CDK6: variants seen among roughly 807,000 people sequenced by gnomAD.
CDK6 encodes the protein cyclin dependent kinase 6, also known as cyclin-dependent kinase 6.
In CDK6, 6 loss-of-function variants were observed where a neutral mutation model predicts 37.1. That is an observed-to-expected ratio of 0.16 (90% CI 0.09 to 0.32). CDK6 has a LOEUF of 0.32. Ranked by LOEUF, CDK6 falls within the 10% of genes least tolerant of loss-of-function variation. CDK6 has a pLI of 1.00. For synonymous variants in CDK6, 160 were observed against 161.3 expected (o/e 0.99, Z 0.06); for missense variants, 224 against 418.9 (o/e 0.53, Z 4.06).
chr7:92,775,965 G>C (rs1799840793), intron 2 of CDK6, among the ~76,000 whole-genome samples: 1 of 151,988 alleles, frequency 6.6e-6, no homozygotes, highest in South Asian at 2.1e-4. Context: ...AGAATGTGCA[G>C]GTTTGTTACA....
chr7:92,779,849 A>C (rs911055904), intron 2 of CDK6, among the ~76,000 whole-genome samples: 8 of 152,252 alleles, frequency 5.3e-5, no homozygotes, highest in Admixed American at 1.3e-4. Context: ...TGTAAACATT[A>C]ATCTTAGAAA....
intron 7 of CDK6, among the ~76,000 whole-genome samples, chr7:92,616,406 T>C (rs1795678692): frequency 6.6e-6 from 1 of 152,204 alleles, no homozygotes. Flanking sequence ...TCTTGGGTCC[T>C]CTGAAATCTG....
rs1795504946 is a variant in CDK6, at chr7:92,609,135, C to A, written c.*6005G>T. 4.3e-6 allele frequency: 1 copy of A among 232,770 alleles called. No homozygotes were observed. The highest frequency in any genetic ancestry group is 8.5e-6 in the Non-Finnish European group (1 of 117,870). 14.4% of individuals were successfully genotyped at this position (232,770 alleles called of 1,614,324 possible). A position where few individuals can be genotyped will look rare whatever the true frequency, so the allele number is the denominator to read the frequency against. On this transcript the variant is annotated 3_prime_UTR_variant, in exon 8 of 8. Transcript: ENST00000424848. ...TGAATTACTGAGACTCATCTGCTTG[C>A]CACTCAGGAGGAAAGTTGGGCAGGC...
chr7:92,613,250 C>T lies in CDK6; in HGVS notation c.*1890G>A, dbSNP rs1795601037. ...TCTCTTGTTCAAGATAGTCATATAT[C>T]ACATTAAGCTGCAAAGAATTCAGTA... is the stretch of plus-strand genomic sequence containing the variant. On this transcript the variant is annotated 3_prime_UTR_variant, in exon 8 of 8. Coordinates refer to ENST00000424848, the MANE Select transcript of CDK6 (RefSeq NM_001145306.2). 4.3e-6 allele frequency: 1 copy of T among 233,108 alleles called. No homozygotes were observed. The highest frequency in any genetic ancestry group is 2.2e-5 in the African/African-American group (1 of 45,324). The allele number at this position is 233,108 out of a possible 1,614,324, so 14.4% of individuals were successfully genotyped here.
intron 2 of CDK6, among the ~76,000 whole-genome samples, chr7:92,804,984 G>C (rs1257424957): frequency 1.3e-5 from 2 of 152,120 alleles, no homozygotes; most frequent in Non-Finnish European, 2.9e-5. Flanking sequence ...ATAATTCTAG[G>C]TTCAAAGACT....
At chr7:92,768,989 T>C (rs937511275) in intron 3 of CDK6, among the ~76,000 whole-genome samples, 3 of 152,160 alleles carry the variant, frequency 2.0e-5, no homozygotes, top group African/African-American at 7.2e-5. Context: ...GTCAGTCACT[T>C]TGCATTATGT....
intron 3 of CDK6, among the ~76,000 whole-genome samples, chr7:92,767,880 A>G (rs550628192): frequency 6.6e-6 from 1 of 152,300 alleles, no homozygotes; most frequent in South Asian, 2.1e-4. Flanking sequence ...CATTCCTGGT[A>G]AAAGTTTGGA....
rs185750653 is a variant in CDK6 at position 92,790,893 on chromosome 7, G to A, written c.234-16062C>T. 1.6e-3 allele frequency among the ~76,000 whole-genome samples: 239 copies of A among 152,232 alleles called. 2 individuals carry two copies. Among genetic ancestry groups the A allele is most frequent in the African/African-American group, 5.1e-3 (213 of 41,564 alleles). On this transcript the variant is annotated intron_variant, in intron 2 of 7. Coordinates refer to ENST00000424848, the MANE Select transcript of CDK6 (RefSeq NM_001145306.2). ...CAAAGAAAGTGTGAGCAGGAGCACCGCAAGAAGCCCCATTGGAGAGAAACT... is the reference window on the plus strand; with the variant it reads ...CAAAGAAAGTGTGAGCAGGAGCACCACAAGAAGCCCCATTGGAGAGAAACT...
chr7:92,652,088 T>C (rs892901450), intron 5 of CDK6, among the ~76,000 whole-genome samples: 5 of 152,250 alleles, frequency 3.3e-5, no homozygotes, highest in Admixed American at 1.3e-4. Flanking sequence ...TTGTTATTTA[T>C]TAAGCAGTTC....
At chr7:92,658,474 C>T (rs966632524) in intron 5 of CDK6, among the ~76,000 whole-genome samples, 26 of 151,938 alleles carry the variant, frequency 1.7e-4, no homozygotes, top group African/African-American at 5.1e-4. Flanking sequence ...TAAAATAAAG[C>T]GAATAAGCAA....
chr7:92,734,003 G>T (rs1798714657), intron 3 of CDK6, among the ~76,000 whole-genome samples: 1 of 151,906 alleles, frequency 6.6e-6, no homozygotes, highest in African/African-American at 2.4e-5. Flanking sequence ...TGGCATTCTT[G>T]GATATTCTTA....
rs1795562346 is a variant in CDK6, at chr7:92,611,526, C to G, written c.*3614G>C. 1 of 227,222 alleles carries G rather than the reference C, an allele frequency of 4.4e-6. No homozygotes were observed. Among genetic ancestry groups the G allele is most frequent in the Non-Finnish European group, 8.7e-6 (1 of 114,512 alleles). The allele number at this position is 227,222 out of a possible 1,614,324, so 14.1% of individuals were successfully genotyped here. ...GGAAGCTTACATAATTTAATTTCCA[C>G]AATGGAACAATAATGGCCATTACTG... is the stretch of plus-strand genomic sequence containing the variant. On this transcript the variant is annotated 3_prime_UTR_variant, in exon 8 of 8. Transcript: ENST00000424848.
At chr7:92,820,058 G>A (rs544558211) in intron 2 of CDK6, among the ~76,000 whole-genome samples, 51 of 152,026 alleles carry the variant, frequency 3.4e-4, no homozygotes, top group African/African-American at 2.2e-4. Context: ...AAATGGTGGC[G>A]GGAAACCCAC....
At chr7:92,631,586 C>T (rs374852596) in intron 5 of CDK6, among the ~76,000 whole-genome samples, 7 of 152,242 alleles carry the variant, frequency 4.6e-5, no homozygotes, top group South Asian at 2.1e-4. Flanking sequence ...TAAAACTATA[C>T]GCACCTTGCC....
chr7:92,719,417 TAA>T (rs145763734), intron 4 of CDK6, among the ~76,000 whole-genome samples: 16 of 152,368 alleles, frequency 1.1e-4, no homozygotes, highest in Non-Finnish European at 1.8e-4. Flanking sequence ...AGCTGTCGAA[TAA>T]AAGTCTTCTC....
chr7:92,606,448 G>A lies in CDK6; in HGVS notation c.*8692C>T. On this transcript the variant is annotated 3_prime_UTR_variant, in exon 8 of 8. Transcript: ENST00000424848. ...GGAGAGCACCATGTGGACAAGCCAG[G>A]ATGGTAGCAGGGAACACTTTAGTGG... 4.3e-6 allele frequency: 1 copy of A among 233,438 alleles called. No homozygotes were observed. Among genetic ancestry groups the A allele is most frequent in the East Asian group, 6.0e-5 (1 of 16,586 alleles). The allele number at this position is 233,438 out of a possible 1,614,324, so 14.5% of individuals were successfully genotyped here.
At chr7:92,795,939 C>T (rs1800396852) in intron 2 of CDK6, among the ~76,000 whole-genome samples, 1 of 152,028 alleles carries the variant, frequency 6.6e-6, no homozygotes, top group Middle Eastern at 3.2e-3. Context: ...ACTAAAGCCA[C>T]CTTCTTGTCC....
At chr7:92,804,157 C>G (rs577364236) in intron 2 of CDK6, among the ~76,000 whole-genome samples, 1 of 152,138 alleles carries the variant, frequency 6.6e-6, no homozygotes, top group East Asian at 1.9e-4. Flanking sequence ...TTAGAGGGAG[C>G]TCTGATTTGA....
At chr7:92,663,226 T>C (rs767481296) in intron 5 of CDK6, among the ~76,000 whole-genome samples, 1 of 152,124 alleles carries the variant, frequency 6.6e-6, no homozygotes, top group Non-Finnish European at 1.5e-5. Flanking sequence ...AGATAAAATC[T>C]GGTTTGTGGT....
Sources: allele counts gnomAD v4.1 joint callset (sites outside exome capture counted in the v4.1 genomes callset), GRCh38; gene constraint gnomAD v4.1.1; transcripts MANE v1.5; gene names NCBI Gene and HGNC (gene_info 2026-07-23, HGNC 2026-07-21).